The following FURIN variants were observed in gnomAD, a reference collection of about 807,000 sequenced individuals.
FURIN encodes FES upstream region.
A neutral mutation model predicts 89.2 loss-of-function variants in FURIN; 18 were observed. That is an observed-to-expected ratio of 0.20 (90% CI 0.14 to 0.30). FURIN has a LOEUF of 0.30. FURIN is among the 10% of genes least tolerant of loss of function. The pLI is 1.00. For missense variants in FURIN, 879 were observed against 1,100.5 expected, an observed-to-expected ratio of 0.80 and a Z score of 2.85; for synonymous variants, 508 against 466.4, an observed-to-expected ratio of 1.09 and a Z score of -1.15.
At chr15:90,874,538 T>A (rs1000441776) in intron 1 of FURIN, among the ~76,000 whole-genome samples, 1 of 152,200 alleles carries the variant, frequency 6.6e-6, no homozygotes, top group East Asian at 1.9e-4. Context: ...CCGCACCCCC[T>A]CAGGACATGG....
Position 90,875,868 on chromosome 15 carries a change from C to A in FURIN, c.128C>A (p.Ala43Glu). 2 of 1,586,928 alleles carry A rather than the reference C, an allele frequency of 1.3e-6. No homozygotes were observed. The highest frequency in any genetic ancestry group is 1.7e-4 in the Middle Eastern group (1 of 6,024). Residue 43 changes from alanine to glutamate, a missense_variant, in exon 2 of 16, where the codon GCG becomes GAG. Coordinates refer to ENST00000268171, the MANE Select transcript of FURIN (RefSeq NM_002569.4). ...GCTGTGCGCATCCCTGGAGGCCCAGCGGTGGCCAACAGTGTGGCACGGAAG... is the reference window on the plus strand; with the variant it reads ...GCTGTGCGCATCCCTGGAGGCCCAGAGGTGGCCAACAGTGTGGCACGGAAG... ...TWAVRIPGGPAVANSVARKHG... is the reference protein window; with the variant it reads ...TWAVRIPGGPEVANSVARKHG...
chr15:90,878,681 C>T (rs1293546735), intron 8 of FURIN, 83 bp from the exon 9 acceptor site: 4 of 793,868 alleles, frequency 5.0e-6, no homozygotes, highest in African/African-American at 3.4e-5. Context: ...AGGCTCCAGC[C>T]TTCCCAGTTT....
In FURIN at chr15:90,879,924, A is replaced by G. The variant is rs1280577136; in HGVS notation, c.1316A>G (p.Gln439Arg). Residue 439 changes from glutamine to arginine, a missense_variant, in exon 12 of 16, where the codon CAG (glutamine) becomes CGG (arginine). By Grantham distance (43) the Gln-to-Arg change is conservative (BLOSUM62 1). Coordinates refer to ENST00000268171, the MANE Select transcript of FURIN (RefSeq NM_002569.4). ...LDAGAMVALA[Q>R]NWTTVAPQRK... Reference sequence around the variant, plus strand: ...GCAGGCGCCATGGTGGCCCTGGCCCAGAATTGGACCACAGTGGCCCCCCAG... The same window carrying G: ...GCAGGCGCCATGGTGGCCCTGGCCCGGAATTGGACCACAGTGGCCCCCCAG... 1 of 1,613,382 alleles carries G rather than the reference A, an allele frequency of 6.2e-7. No individual in the cohort carries two copies. The highest frequency in any genetic ancestry group is 8.5e-7 in the Non-Finnish European group (1 of 1,180,028).
At chr15:90,875,976 G>T in intron 2 of FURIN, 59 bp downstream of exon 2, 2 of 1,392,994 alleles carry the variant, frequency 1.4e-6, no homozygotes, top group South Asian at 1.4e-5. Flanking sequence ...CAGGGATTCT[G>T]GGAGCAGGAG....
At chr15:90,879,601 G>T in intron 10 of FURIN, 57 bp downstream of exon 10, 1 of 1,558,394 alleles carries the variant, frequency 6.4e-7, no homozygotes. Context: ...CTGTAGGGCA[G>T]CCCTTAGGGC....
intron 13 of FURIN, 95 bp downstream of exon 13, chr15:90,880,368 G>C: frequency 9.6e-7 from 1 of 1,044,112 alleles, no homozygotes; most frequent in Non-Finnish European, 1.4e-6. Context: ...AGGGGGCACT[G>C]AGTGCTACTC....
chr15:90,879,562 A>G lies in FURIN; in HGVS notation c.1154+18A>G, dbSNP rs368620013. 2.5e-6 allele frequency: 4 copies of G among 1,585,760 alleles called. No individual in the cohort carries two copies. Among genetic ancestry groups the G allele is most frequent in the East Asian group, 4.5e-5 (2 of 44,752 alleles). On this transcript the variant is annotated intron_variant, in intron 10 of 15. Coordinates refer to ENST00000268171, the MANE Select transcript of FURIN (RefSeq NM_002569.4). ...GAGGCCAAGTAAGTGGGTGGGGGCC[A>G]GCGGCAACCCTGTCCCTACCAGCAC... is the stretch of plus-strand genomic sequence containing the variant.
intron 1 of FURIN, among the ~76,000 whole-genome samples, chr15:90,872,620 T>G (rs1192695324): frequency 6.6e-6 from 1 of 152,220 alleles, no homozygotes; most frequent in Non-Finnish European, 1.5e-5. Flanking sequence ...TGTGGCTTTT[T>G]AAAAAGTTTG....
In FURIN at chr15:90,881,592, C is replaced by T. The variant is rs777896505; in HGVS notation, c.2099C>T (p.Ala700Val). ...QPPRLPPEVE[A>V]GQRLRAGLLP... Reference sequence around the variant, plus strand: ...CCTCGGCTGCCCCCGGAGGTGGAGGCGGGGCAACGGCTGCGGGCAGGGCTG... The same window carrying T: ...CCTCGGCTGCCCCCGGAGGTGGAGGTGGGGCAACGGCTGCGGGCAGGGCTG... Residue 700 changes from alanine to valine, a missense_variant, in exon 16 of 16, where the codon GCG becomes GTG. Coordinates refer to ENST00000268171, the MANE Select transcript of FURIN (RefSeq NM_002569.4). The surrounding 1 kb of genome is among the most constrained non-coding windows in gnomAD (Gnocchi z 4.3). The T allele has an allele frequency of 2.7e-5, 44 of 1,607,144 alleles. 1 individual carries two copies. Among genetic ancestry groups the T allele is most frequent in the African/African-American group, 8.0e-5 (6 of 74,784 alleles).
At chr15:90,879,317 G>C in intron 9 of FURIN, 127 bp from the exon 10 acceptor site, 1 of 734,650 alleles carries the variant, frequency 1.4e-6, no homozygotes. Context: ...GGGACCTGGG[G>C]TTCTTGGCCC....
At chr15:90,873,910 T>C (rs1450953399) in intron 1 of FURIN, among the ~76,000 whole-genome samples, 1 of 152,278 alleles carries the variant, frequency 6.6e-6, no homozygotes, top group East Asian at 1.9e-4. Context: ...ACTGCAGCAG[T>C]CAGGGAGGCC....
At position 90,878,412 on chromosome 15, in the gene FURIN, A is replaced by G; in HGVS notation, c.840+108A>G. 3 of 947,512 alleles carry G rather than the reference A, an allele frequency of 3.2e-6. No individual in the cohort carries two copies. The South Asian group carries it at 5.2e-5, about 17-fold the overall frequency. 58.7% of individuals were successfully genotyped at this position (947,512 alleles called of 1,614,324 possible). A position where few individuals can be genotyped will look rare whatever the true frequency, so the allele number is the denominator to read the frequency against. On this transcript the variant is annotated intron_variant, in intron 8 of 15. Coordinates refer to ENST00000268171, the MANE Select transcript of FURIN (RefSeq NM_002569.4). ...TTTATTCTCATGTTTAACTTTACAC[A>G]AAGCATGTTTATTGAAACATTAAGG...
At chr15:90,880,018 T>C in intron 12 of FURIN, 34 bp downstream of exon 12, 2 of 1,606,436 alleles carry the variant, frequency 1.2e-6, no homozygotes, top group Non-Finnish European at 1.7e-6. Context: ...AGGGGGCCAG[T>C]GGGACCTGAG....
rs1187343366 is a variant in FURIN at position 90,876,369 on chromosome 15, GCCCCCTCCTGCTGCCACCCT to G, written c.276+29_276+48del. 2.5e-6 allele frequency: 4 copies of G among 1,573,710 alleles called. No individual in the cohort carries two copies. Among genetic ancestry groups the G allele is most frequent in the Non-Finnish European group, 3.5e-6 (4 of 1,143,688 alleles). On this transcript the variant is annotated intron_variant, in intron 3 of 15. Transcript: ENST00000268171. The surrounding 1 kb of genome is among the most constrained non-coding windows in gnomAD (Gnocchi z 5.0). ...GGAGCCTCAAGTGAGTGTGGCCCCAGCCCCCTCCTGCTGCCACCCTCCCCCTCCTGCTCTCAGGAGCCCCT... is the reference window on the plus strand; with the variant it reads ...GGAGCCTCAAGTGAGTGTGGCCCCAGCCCCCTCCTGCTCTCAGGAGCCCCT...
intron 1 of FURIN, among the ~76,000 whole-genome samples, chr15:90,870,123 G>C (rs942583397): frequency 6.6e-6 from 1 of 152,222 alleles, no homozygotes; most frequent in Non-Finnish European, 1.5e-5. Context: ...AAAGGTGCCC[G>C]AATCGTACCT....
rs149143094 is a variant in FURIN at position 90,878,976 on chromosome 15, C to A, written c.1053C>A (p.Ile351=). Residue 351 remains isoleucine (I), a splice_region_variant and synonymous_variant, in exon 9 of 16, where the codon ATC becomes ATA. Transcript: ENST00000268171. ...GTGGCAACCAGAATGAGAAGCAGAT[C>A]GTGAGTCTTACCTGGGGGTGGGGGC... ...YSSGNQNEKQ[I]VTTDLRQKCT... The A allele has an allele frequency of 9.8e-6, 14 of 1,422,492 alleles. No homozygotes were observed. Among genetic ancestry groups the A allele is most frequent in the Middle Eastern group, 2.3e-4 (1 of 4,272 alleles). 88.1% of individuals were successfully genotyped at this position (1,422,492 alleles called of 1,614,324 possible). A position where few individuals can be genotyped will look rare whatever the true frequency, so the allele number is the denominator to read the frequency against.
chr15:90,873,659 C>G (rs2031446030), intron 1 of FURIN, among the ~76,000 whole-genome samples: 2 of 152,124 alleles, frequency 1.3e-5, no homozygotes, highest in East Asian at 3.9e-4. Flanking sequence ...CTTCCATCCC[C>G]TAGGGCTGGG....
intron 1 of FURIN, among the ~76,000 whole-genome samples, chr15:90,874,802 G>C (rs2031514888): frequency 1.3e-5 from 2 of 152,208 alleles, no homozygotes; most frequent in African/African-American, 4.8e-5. Flanking sequence ...CATCTTGAGA[G>C]AACCACCGTT....
chr15:90,880,417 T>A, intron 13 of FURIN, 144 bp downstream of exon 13: 3 of 730,906 alleles, frequency 4.1e-6, no homozygotes, highest in Non-Finnish European at 6.6e-6. Flanking sequence ...GACAATTTTG[T>A]CCTGTGGGAC....
Sources: allele counts gnomAD v4.1 joint callset (sites outside exome capture counted in the v4.1 genomes callset), GRCh38; gene constraint gnomAD v4.1.1; non-coding constraint Gnocchi (gnomAD v3.1); transcripts MANE v1.5; gene names NCBI Gene and HGNC (gene_info 2026-07-23, HGNC 2026-07-21).